ACVR1: variants seen among roughly 807,000 people sequenced by gnomAD.
ACVR1 encodes activin receptor type-1.
A neutral mutation model predicts 57.1 loss-of-function variants in ACVR1; 38 were observed. The ratio of observed to expected loss-of-function variants is 0.67; its 90% confidence interval spans 0.51 to 0.87. ACVR1 has a LOEUF of 0.87. ACVR1 is among the 40% of genes least tolerant of loss of function. ACVR1 has a pLI of 0.00. For synonymous variants in ACVR1, 212 were observed against 228.1 expected (o/e 0.93, Z 0.63); for missense variants, 463 against 638.2 (o/e 0.73, Z 2.96).
intron 8 of ACVR1, 140 bp downstream of exon 8, chr2:157,765,781 T>C: frequency 2.6e-6 from 2 of 766,606 alleles, no homozygotes; most frequent in East Asian, 2.7e-5. Flanking sequence ...GTGGTGGGTA[T>C]AAAGGTGTTC....
chr2:157,774,081 G>A lies in ACVR1; in HGVS notation c.643+7C>T, dbSNP rs12105152. 2.3e-3 allele frequency: 3,716 copies of A among 1,612,318 alleles called. 78 individuals carry two copies. The African/African-American group carries it at 0.044, about 19-fold the overall frequency. On this transcript the variant is annotated splice_region_variant and intron_variant, in intron 6 of 10. Coordinates refer to ENST00000434821, the MANE Select transcript of ACVR1 (RefSeq NM_001111067.4). ...TTACCCACAAAGAAAGGAAAAAAAAGAATTACCGACACACTCCAACAGTGT... is the reference window on the plus strand; with the variant it reads ...TTACCCACAAAGAAAGGAAAAAAAAAAATTACCGACACACTCCAACAGTGT...
chr2:157,775,590 A>T (rs933503174), intron 5 of ACVR1, among the ~76,000 whole-genome samples: 5 of 152,232 alleles, frequency 3.3e-5, no homozygotes, highest in African/African-American at 1.2e-4. Flanking sequence ...ATCCAACGGA[A>T]GAAATTTAGA....
At chr2:157,758,531 C>T (rs1038224894) in intron 9 of ACVR1, among the ~76,000 whole-genome samples, 4 of 151,956 alleles carry the variant, frequency 2.6e-5, no homozygotes, top group Admixed American at 2.0e-4. Context: ...ATGCACCCAA[C>T]ACTGGAGCAT....
intron 1 of ACVR1, among the ~76,000 whole-genome samples, chr2:157,855,670 G>A (rs1432037039): frequency 6.6e-6 from 1 of 151,920 alleles, no homozygotes; most frequent in Non-Finnish European, 1.5e-5. Context: ...GGTCTTGAGG[G>A]GGAAGAGCTT....
At chr2:157,855,223 C>CCTGGGCAACATGGTGAAACCT (rs1689467828) in intron 1 of ACVR1, among the ~76,000 whole-genome samples, 1 of 145,218 alleles carries the variant, frequency 6.9e-6, no homozygotes, top group Non-Finnish European at 1.5e-5. Context: ...TTGGGACCAG[C>CCTGGGCAACATGGTGAAACCT]CTGGGCAACA....
intron 5 of ACVR1, among the ~76,000 whole-genome samples, chr2:157,776,545 C>T (rs1166148418): frequency 6.6e-6 from 1 of 152,106 alleles, no homozygotes; most frequent in African/African-American, 2.4e-5. Context: ...TCCACTGTAC[C>T]ACAGTTTAAA....
chr2:157,821,146 T>C (rs1225233303), intron 1 of ACVR1, among the ~76,000 whole-genome samples: 3 of 152,184 alleles, frequency 2.0e-5, no homozygotes, highest in African/African-American at 4.8e-5. Flanking sequence ...ACCTGAAAGG[T>C]AGCTAAAAAC....
intron 2 of ACVR1, among the ~76,000 whole-genome samples, chr2:157,811,263 T>G (rs899518791): frequency 3.9e-5 from 6 of 152,170 alleles, no homozygotes; most frequent in African/African-American, 1.4e-4. Context: ...GCCTTTTCTT[T>G]TCACTCAAGA....
intron 1 of ACVR1, among the ~76,000 whole-genome samples, chr2:157,854,824 G>A (rs1248001410): frequency 6.6e-6 from 1 of 151,728 alleles, no homozygotes; most frequent in Non-Finnish European, 1.5e-5. Context: ...TGGATCACAA[G>A]GTCAGGAGAT....
intron 1 of ACVR1, among the ~76,000 whole-genome samples, chr2:157,859,384 A>C (rs1422263385): frequency 6.6e-6 from 1 of 152,252 alleles, no homozygotes; most frequent in Non-Finnish European, 1.5e-5. Flanking sequence ...TGTTTAAAAA[A>C]TAATTCGGAA....
intron 2 of ACVR1, among the ~76,000 whole-genome samples, chr2:157,804,677 T>C (rs1443535557): frequency 1.3e-5 from 2 of 152,196 alleles, no homozygotes; most frequent in Admixed American, 1.3e-4. Flanking sequence ...AAAATCGCTA[T>C]TCAGAAAATG....
In ACVR1 at chr2:157,766,129, AT is replaced by A; in HGVS notation, c.857del (p.His286LeufsTer23). 6.2e-7 allele frequency: 1 copy of A among 1,614,144 alleles called. No homozygotes were observed. The highest frequency in any genetic ancestry group is 8.5e-7 in the Non-Finnish European group (1 of 1,179,968). On this transcript the variant is annotated frameshift_variant, in exon 8 of 11. Transcript: ENST00000434821. LOFTEE classifies it high-confidence loss of function. ...STQLWLITHY[H>X]EMGSLYDYLQ... ...GATAGTCGTACAACGATCCCATTTCATGATAATGTGTAATTAACCACAGCTG... is the reference window on the plus strand; with the variant it reads ...GATAGTCGTACAACGATCCCATTTCAGATAATGTGTAATTAACCACAGCTG...
intron 1 of ACVR1, among the ~76,000 whole-genome samples, chr2:157,844,889 C>G (rs969733278): frequency 1.3e-5 from 2 of 152,138 alleles, no homozygotes; most frequent in African/African-American, 4.8e-5. Context: ...TGTGAGAACA[C>G]AGCAAGAAGG....
chr2:157,775,179 T>C (rs1444176208), intron 5 of ACVR1, among the ~76,000 whole-genome samples: 1 of 152,224 alleles, frequency 6.6e-6, no homozygotes, highest in Non-Finnish European at 1.5e-5. Context: ...CACCTACTTA[T>C]CATTTCTTAA....
At chr2:157,825,041 G>A (rs1002828828) in intron 1 of ACVR1, among the ~76,000 whole-genome samples, 1 of 151,924 alleles carries the variant, frequency 6.6e-6, no homozygotes, top group Admixed American at 6.6e-5. Context: ...AGATTACCAC[G>A]CCCAGCCACT....
intron 1 of ACVR1, among the ~76,000 whole-genome samples, chr2:157,854,215 A>AAAG (rs1021786140): frequency 6.6e-5 from 10 of 152,070 alleles, no homozygotes; most frequent in African/African-American, 2.4e-4. Flanking sequence ...AAAAAAAAAA[A>AAAG]AAGAAGCATT....
intron 2 of ACVR1, among the ~76,000 whole-genome samples, chr2:157,808,277 C>T (rs1474355252): frequency 1.3e-5 from 2 of 152,190 alleles, no homozygotes; most frequent in East Asian, 3.8e-4. Context: ...ATGCTTGGCA[C>T]CTACCAGGTG....
chr2:157,821,812 C>G (rs1191036804), intron 1 of ACVR1, among the ~76,000 whole-genome samples: 1 of 152,172 alleles, frequency 6.6e-6, no homozygotes, highest in Non-Finnish European at 1.5e-5. Context: ...TAATTTTGGG[C>G]ATTTAACATT....
intron 4 of ACVR1, 88 bp from the exon 5 acceptor site, chr2:157,778,430 T>G: frequency 9.0e-7 from 1 of 1,105,912 alleles, no homozygotes; most frequent in Non-Finnish European, 1.4e-6. Context: ...AAGTAGCTCC[T>G]GATCCTGACC....
Sources: gnomAD v4.1 joint callset for allele counts (sites outside exome capture counted in the v4.1 genomes callset) on GRCh38, gnomAD v4.1.1 for gene constraint, MANE v1.5 for transcripts, NCBI Gene and HGNC (gene_info 2026-07-23, HGNC 2026-07-21) for gene names.